MYO5B: variants seen among roughly 807,000 people sequenced by gnomAD.
MYO5B encodes the protein myosin VB.
MYO5B carries 143 observed loss-of-function variants against 229.3 expected under a neutral mutation model. That is an observed-to-expected ratio of 0.62 (90% CI 0.54 to 0.72). The LOEUF is 0.72. Ranked by LOEUF, MYO5B falls within the 30% of genes least tolerant of loss-of-function variation. The pLI is 0.00. For synonymous variants in MYO5B, 918 were observed against 885.2 expected, an observed-to-expected ratio of 1.04 and a Z score of -0.66; for missense variants, 2,321 against 2,331.0, an observed-to-expected ratio of 1.00 and a Z score of 0.09.
intron 17 of MYO5B, among the ~76,000 whole-genome samples, chr18:49,921,714 G>A (rs1377998655): frequency 6.6e-6 from 1 of 152,148 alleles, no homozygotes; most frequent in African/African-American, 2.4e-5. Flanking sequence ...GGGAAGGGGG[G>A]TAAGAATTCC....
intron 22 of MYO5B, among the ~76,000 whole-genome samples, chr18:49,887,142 ACT>A (rs1253609449): frequency 2.6e-5 from 4 of 151,994 alleles, no homozygotes; most frequent in Non-Finnish European, 4.4e-5. Context: ...TAACCACAGC[ACT>A]CTCAGACTGT....
At chr18:49,902,855 C>T (rs1459079317) in intron 20 of MYO5B, 22 bp from the exon 21 acceptor site, 6 of 1,597,760 alleles carry the variant, frequency 3.8e-6, no homozygotes, top group Admixed American at 1.7e-5. Flanking sequence ...CAAGGATACA[C>T]ATCTTGTGGG....
intron 1 of MYO5B, among the ~76,000 whole-genome samples, chr18:50,122,439 T>TAAAAAAGAAAA (rs2032074817): frequency 2.4e-5 from 1 of 41,878 alleles, no homozygotes; most frequent in African/African-American, 1.0e-4. Flanking sequence ...CTGTCTCAAC[T>TAAAAAAGAAAA]AAAAAAAAAA....
At chr18:49,966,083 G>A (rs2025621899) in intron 10 of MYO5B, among the ~76,000 whole-genome samples, 1 of 152,134 alleles carries the variant, frequency 6.6e-6, no homozygotes, top group Non-Finnish European at 1.5e-5. Flanking sequence ...GGATGGTGGT[G>A]GTGGAGAGAT....
At chr18:49,886,623 T>C (rs2024644642) in intron 22 of MYO5B, among the ~76,000 whole-genome samples, 1 of 115,788 alleles carries the variant, frequency 8.6e-6, no homozygotes, top group South Asian at 3.0e-4. Flanking sequence ...TATTATTCTT[T>C]GGCAATTTAT....
At chr18:49,934,507 C>G (rs910537768) in intron 16 of MYO5B, among the ~76,000 whole-genome samples, 1 of 152,228 alleles carries the variant, frequency 6.6e-6, no homozygotes, top group Non-Finnish European at 1.5e-5. Flanking sequence ...CAGGGACACG[C>G]TCTGATGAGG....
At chr18:50,003,813 C>A (rs1043798688) in intron 4 of MYO5B, among the ~76,000 whole-genome samples, 18 of 152,112 alleles carry the variant, frequency 1.2e-4, no homozygotes, top group African/African-American at 4.3e-4. Flanking sequence ...CATCAAAGAA[C>A]CAGTTAGAAT....
intron 1 of MYO5B, among the ~76,000 whole-genome samples, chr18:50,057,891 T>G (rs561943669): frequency 2.6e-5 from 4 of 152,234 alleles, no homozygotes; most frequent in African/African-American, 9.6e-5. Context: ...AACTACTTAC[T>G]CTTCCATTCC....
chr18:49,962,861 C>A, intron 11 of MYO5B, 88 bp downstream of exon 11: 1 of 1,147,032 alleles, frequency 8.7e-7, no homozygotes, highest in Non-Finnish European at 1.3e-6. Context: ...AGGGCCCACC[C>A]ACCTCAGAGG....
At chr18:50,056,591 A>G (rs1014743560) in intron 1 of MYO5B, among the ~76,000 whole-genome samples, 5 of 152,170 alleles carry the variant, frequency 3.3e-5, no homozygotes, top group Admixed American at 1.3e-4. Flanking sequence ...CAAAAGCTCA[A>G]CCAGAACATG....
chr18:50,157,107 G>A (rs2032691645), intron 1 of MYO5B, among the ~76,000 whole-genome samples: 2 of 150,110 alleles, frequency 1.3e-5, no homozygotes, highest in Admixed American at 1.3e-4. Flanking sequence ...TTTTTTGGCT[G>A]GGGGTGGGGA....
chr18:49,874,740 CT>C (rs2024497077), intron 26 of MYO5B, among the ~76,000 whole-genome samples: 2 of 152,130 alleles, frequency 1.3e-5, no homozygotes, highest in African/African-American at 4.8e-5. Context: ...TACCAAAGGC[CT>C]TTTTCAAACC....
chr18:50,080,495 G>T (rs934439291), intron 1 of MYO5B, among the ~76,000 whole-genome samples: 9 of 152,142 alleles, frequency 5.9e-5, no homozygotes, highest in African/African-American at 1.7e-4. Context: ...ACAGCATGTG[G>T]GGGAAACCAA....
intron 17 of MYO5B, among the ~76,000 whole-genome samples, chr18:49,921,711 G>T (rs80012942): frequency 2.0e-5 from 3 of 152,108 alleles, no homozygotes; most frequent in East Asian, 1.9e-4. Context: ...TTGGGGAAGG[G>T]GGGTAAGAAT....
chr18:49,894,913 A>G lies in MYO5B; in HGVS notation c.3045+28T>C, dbSNP rs748229654. ...CGTGTGCCCACCCACTCTGCTTGCC[A>G]GCGCCTGCCCCTCTGGCCTGAGCAT... On this transcript the variant is annotated intron_variant, in intron 22 of 39. Transcript: ENST00000285039. 4.4e-6 allele frequency: 7 copies of G among 1,603,026 alleles called. No homozygotes were observed. The South Asian group carries it at 7.7e-5, about 18-fold the overall frequency.
At chr18:49,951,487 A>G (rs909929925) in intron 14 of MYO5B, among the ~76,000 whole-genome samples, 1 of 152,170 alleles carries the variant, frequency 6.6e-6, no homozygotes, top group African/African-American at 2.4e-5. Context: ...CAAATATTCA[A>G]TAAAGCTGAT....
intron 1 of MYO5B, among the ~76,000 whole-genome samples, chr18:50,082,796 T>C (rs975090084): frequency 1.3e-5 from 2 of 152,198 alleles, no homozygotes; most frequent in African/African-American, 4.8e-5. Context: ...ACAGCCAGTT[T>C]AGGCAAAGAA....
At chr18:49,846,157 C>T (rs896710138) in intron 33 of MYO5B, among the ~76,000 whole-genome samples, 1 of 152,194 alleles carries the variant, frequency 6.6e-6, no homozygotes, top group African/African-American at 2.4e-5. Flanking sequence ...ATCGCAGGGA[C>T]AGTAAAAGCC....
intron 10 of MYO5B, among the ~76,000 whole-genome samples, chr18:49,973,219 A>T (rs77187079): frequency 0.02 from 2,980 of 152,220 alleles, 105 homozygotes; most frequent in African/African-American, 0.068. Flanking sequence ...GATGTCAGAA[A>T]TCACAAAGAT....
Sources: gnomAD v4.1 joint callset for allele counts (sites outside exome capture counted in the v4.1 genomes callset) on GRCh38, gnomAD v4.1.1 for gene constraint, MANE v1.5 for transcripts, NCBI Gene and HGNC (gene_info 2026-07-23, HGNC 2026-07-21) for gene names.